Variants in TBC1D7 observed in about 807,000 individuals in gnomAD.
TBC1D7 encodes TBC domain family 7.
Under a neutral mutation model 35.3 loss-of-function variants are expected in TBC1D7, and 33 were observed. That is an observed-to-expected ratio of 0.93 (90% CI 0.71 to 1.25). TBC1D7 has a LOEUF of 1.25. TBC1D7 is among the 50% of genes most tolerant of loss of function. TBC1D7 has a pLI of 0.00. For synonymous variants in TBC1D7, 135 were observed against 129.5 expected (o/e 1.04, Z -0.29); for missense variants, 362 against 365.3 (o/e 0.99, Z 0.07).
rs549740526 is a variant in TBC1D7, at chr6:13,305,093, G to A, written c.*8C>T. On this transcript the variant is annotated 3_prime_UTR_variant, in exon 8 of 8. Coordinates refer to ENST00000379300, the MANE Select transcript of TBC1D7 (RefSeq NM_016495.6). ...GCCTGGCAGACGGTCCACAACCAGCGGGTGCGTTCAGCTTGAATGGACCGG... is the reference window on the plus strand; with the variant it reads ...GCCTGGCAGACGGTCCACAACCAGCAGGTGCGTTCAGCTTGAATGGACCGG... 2.2e-5 allele frequency: 35 copies of A among 1,603,526 alleles called. No homozygotes were observed. Among genetic ancestry groups the A allele is most frequent in the Middle Eastern group, 1.7e-4 (1 of 6,012 alleles).
At chr6:13,313,662 A>G (rs1272362954) in intron 5 of TBC1D7, among the ~76,000 whole-genome samples, 1 of 152,162 alleles carries the variant, frequency 6.6e-6, no homozygotes, top group African/African-American at 2.4e-5. Context: ...CTAGGAGTAA[A>G]TATTTTTTAA....
chr6:13,318,218 T>C (rs1783775118), intron 4 of TBC1D7: 1 of 152,258 alleles, frequency 6.6e-6, no homozygotes, highest in South Asian at 2.1e-4. Context: ...AATAAATTCC[T>C]TTTTAAAATA....
At chr6:13,318,377 G>A (rs555100) in intron 4 of TBC1D7, among the ~76,000 whole-genome samples, 32,168 of 152,152 alleles carry the variant, frequency 0.21, 3,774 homozygotes, top group South Asian at 0.41. Flanking sequence ...GTCTCAGCTT[G>A]GAACACAGAC....
In TBC1D7 at chr6:13,306,545, T is replaced by G; in HGVS notation, c.666-18A>C. On this transcript the variant is annotated intron_variant, in intron 6 of 7. Coordinates refer to ENST00000379300, the MANE Select transcript of TBC1D7 (RefSeq NM_016495.6). ...CCCAAACCCTACAAAAATAAGGAGATATAATCAAATTATATGAGTTTCAGA... is the reference window on the plus strand; with the variant it reads ...CCCAAACCCTACAAAAATAAGGAGAGATAATCAAATTATATGAGTTTCAGA... 6.4e-7 allele frequency: 1 copy of G among 1,560,206 alleles called. No homozygotes were observed. Among genetic ancestry groups the G allele is most frequent in the Non-Finnish European group, 8.7e-7 (1 of 1,155,498 alleles).
chr6:13,315,531 C>A (rs974009133), intron 5 of TBC1D7, among the ~76,000 whole-genome samples: 1 of 151,982 alleles, frequency 6.6e-6, no homozygotes, highest in African/African-American at 2.4e-5. Flanking sequence ...CTGACCAACA[C>A]GATGCAACCC....
intron 5 of TBC1D7, among the ~76,000 whole-genome samples, chr6:13,314,014 C>G (rs773564667): frequency 7.2e-5 from 11 of 152,188 alleles, no homozygotes; most frequent in African/African-American, 2.4e-4. Context: ...AAGGTCAGAT[C>G]GAGAGCATCC....
intron 5 of TBC1D7, among the ~76,000 whole-genome samples, chr6:13,315,087 C>G (rs542643865): frequency 1.3e-5 from 2 of 152,190 alleles, no homozygotes; most frequent in Admixed American, 6.5e-5. Context: ...AAAAAAGAAC[C>G]TTTCCCAGCC....
chr6:13,323,776 G>A (rs1338229512), intron 3 of TBC1D7: 1 of 152,186 alleles, frequency 6.6e-6, no homozygotes, highest in African/African-American at 2.4e-5. Context: ...GGCTTCTCAA[G>A]CCCTGAAAAG....
chr6:13,309,518 C>G (rs1219472940), intron 5 of TBC1D7, among the ~76,000 whole-genome samples: 1 of 152,144 alleles, frequency 6.6e-6, no homozygotes, highest in Non-Finnish European at 1.5e-5. Flanking sequence ...TCTTAGTAAT[C>G]GCTCAATATA....
chr6:13,326,948 A>C lies in TBC1D7; in HGVS notation c.-8-42T>G, dbSNP rs767169298. 1.2e-5 allele frequency: 14 copies of C among 1,155,436 alleles called. No individual in the cohort carries two copies. In the East Asian group the frequency reaches 2.7e-4, roughly 22 times the overall value. 71.6% of individuals were successfully genotyped at this position (1,155,436 alleles called of 1,614,324 possible). A position where few individuals can be genotyped will look rare whatever the true frequency, so the allele number is the denominator to read the frequency against. The stretch of plus-strand genomic sequence containing the variant: ...AAAGACAGAAAGGGAGAGAAAGACG[A>C]AGGGGAAAAGTGAGTCTAGAAACAA... On this transcript the variant is annotated intron_variant, in intron 1 of 7. Transcript: ENST00000379300.
At chr6:13,310,698 A>T (rs901023017) in intron 5 of TBC1D7, among the ~76,000 whole-genome samples, 4 of 151,892 alleles carry the variant, frequency 2.6e-5, no homozygotes, top group Admixed American at 2.0e-4. Flanking sequence ...GTATGAAACT[A>T]TGACAGGGAA....
At chr6:13,327,523 T>C (rs1446605558) in intron 1 of TBC1D7, among the ~76,000 whole-genome samples, 1 of 152,240 alleles carries the variant, frequency 6.6e-6, no homozygotes, top group Admixed American at 6.5e-5. Flanking sequence ...CTTATCTTTC[T>C]TTTAAACACA....
At chr6:13,311,143 AC>A (rs2127526611) in intron 5 of TBC1D7, among the ~76,000 whole-genome samples, 1 of 152,342 alleles carries the variant, frequency 6.6e-6, no homozygotes, top group African/African-American at 2.4e-5. Context: ...AATAGTGCTT[AC>A]AAAAAAAACC....
At chr6:13,312,804 T>C (rs1296552393) in intron 5 of TBC1D7, among the ~76,000 whole-genome samples, 5 of 127,028 alleles carry the variant, frequency 3.9e-5, no homozygotes, top group Admixed American at 7.8e-5. Context: ...AAAAAAAAAA[T>C]GCTGGCAAAT....
chr6:13,327,032 C>A (rs1423725574), intron 1 of TBC1D7, 126 bp from the exon 2 acceptor site: 2 of 562,864 alleles, frequency 3.6e-6, no homozygotes, highest in Non-Finnish European at 6.2e-6. Context: ...TATGATGTAC[C>A]CTTGCATAGG....
rs578201717 is a variant in TBC1D7 at position 13,320,852 on chromosome 6, G to A, written c.381+56C>T. Reference sequence around the variant, plus strand: ...GCAAAACATGATGTAATCAAAGGCCGGCAAGATGGGACGGTCTAGAGTTGA... The same window carrying A: ...GCAAAACATGATGTAATCAAAGGCCAGCAAGATGGGACGGTCTAGAGTTGA... On this transcript the variant is annotated intron_variant, in intron 4 of 7. Coordinates refer to ENST00000379300, the MANE Select transcript of TBC1D7 (RefSeq NM_016495.6). 154 of 1,562,238 alleles carry A rather than the reference G, an allele frequency of 9.9e-5. No individual in the cohort carries two copies. The South Asian group carries it at 1.5e-3, about 15-fold the overall frequency.
intron 5 of TBC1D7, among the ~76,000 whole-genome samples, chr6:13,315,065 C>T (rs1038443812): frequency 3.9e-5 from 6 of 152,136 alleles, no homozygotes; most frequent in South Asian, 2.1e-4. Flanking sequence ...GGAGATCACA[C>T]AGCTTTTTTT....
Position 13,321,080 on chromosome 6 carries a change from T to C in TBC1D7, c.209A>G (p.His70Arg), listed in dbSNP as rs764477463. 3 of 1,612,804 alleles carry C rather than the reference T, an allele frequency of 1.9e-6. No homozygotes were observed. The highest frequency in any genetic ancestry group is 2.5e-6 in the Non-Finnish European group (3 of 1,179,116). The change falls in exon 4 of 8, where the codon CAC becomes CGC. Residue 70 changes from histidine (H) to arginine (R), a missense_variant. His to Arg is a conservative substitution (Grantham distance 29). Transcript: ENST00000379300. Reference sequence around the variant, plus strand: ...CATCACCTTGGCATGGGACTCGTGGTGTGGAGGCAAGATTCCTAGAGAGAA... The same window carrying C: ...CATCACCTTGGCATGGGACTCGTGGCGTGGAGGCAAGATTCCTAGAGAGAA... ...WKVLLGILPP[H>R]HESHAKVMMY...
At chr6:13,320,877 A>T in intron 4 of TBC1D7, 31 bp downstream of exon 4, 1 of 1,607,860 alleles carries the variant, frequency 6.2e-7, no homozygotes, top group Admixed American at 1.7e-5. Context: ...TCTAGAGTTG[A>T]GCTTAGTGTC....
Sources: gnomAD v4.1 joint callset for allele counts (sites outside exome capture counted in the v4.1 genomes callset) on GRCh38, gnomAD v4.1.1 for gene constraint, MANE v1.5 for transcripts, NCBI Gene and HGNC (gene_info 2026-07-23, HGNC 2026-07-21) for gene names.